GYS1: variants seen among roughly 807,000 people sequenced by gnomAD.
The protein encoded by GYS1 is glycogen synthase 1.
In GYS1, 60 loss-of-function variants were observed where a neutral mutation model predicts 89.1. The observed-to-expected ratio is 0.67, with a 90% CI of 0.55 to 0.84. The LOEUF is 0.84. Ranked by LOEUF, GYS1 falls within the 40% of genes least tolerant of loss-of-function variation. The pLI is 0.00. For synonymous variants in GYS1, 366 were observed against 401.7 expected, an observed-to-expected ratio of 0.91 and a Z score of 1.06; for missense variants, 888 against 1,003.1, an observed-to-expected ratio of 0.89 and a Z score of 1.55.
chr19:48,971,688 G>A (rs2038567929), intron 12 of GYS1, among the ~76,000 whole-genome samples: 1 of 151,642 alleles, frequency 6.6e-6, no homozygotes, highest in Admixed American at 6.6e-5. Flanking sequence ...CCGAGTAGCT[G>A]GGACTACAGG....
intron 2 of GYS1, among the ~76,000 whole-genome samples, chr19:48,988,012 C>A (rs1184163724): frequency 3.3e-5 from 5 of 152,180 alleles, no homozygotes; most frequent in Non-Finnish European, 7.4e-5. Flanking sequence ...CTGTGTTAGC[C>A]AGGATGATCT....
At chr19:48,981,698 C>T (rs1383542534) in intron 7 of GYS1, 62 bp from the exon 8 acceptor site, 57 of 1,074,532 alleles carry the variant, frequency 5.3e-5, no homozygotes, top group Non-Finnish European at 7.8e-5. Context: ...AACCAGCCAG[C>T]CTTTCTGTCA....
Position 48,969,343 on chromosome 19 carries a change from C to T in GYS1, c.2159G>A (p.Ser720Asn). 6.3e-7 allele frequency: 1 copy of T among 1,585,346 alleles called. No individual in the cohort carries two copies. Among genetic ancestry groups the T allele is most frequent in the South Asian group, 1.1e-5 (1 of 87,926 alleles). ...SVDTATSSSL[S>N]TPSEPLSPTS... ...GGGGCTGAGGGGCTCGCTCGGGGTGCTGAGTGAGCTGGAGGTGGCCGTGTC... is the reference window on the plus strand; with the variant it reads ...GGGGCTGAGGGGCTCGCTCGGGGTGTTGAGTGAGCTGGAGGTGGCCGTGTC... The change falls in exon 16 of 16, where the codon AGC becomes AAC. Residue 720 changes from serine to asparagine, a missense_variant. By Grantham distance (46) the Ser-to-Asn change is conservative. Coordinates refer to ENST00000323798, the MANE Select transcript of GYS1 (RefSeq NM_002103.5).
rs8104760 is a variant in GYS1 at position 48,973,910 on chromosome 19, C to T, written c.1549+303G>A. ...AACGTCTTACGAGGAGACTTGGCCA[C>T]ACTCGGCTGTATTTGTGAATTGTGC... On this transcript the variant is annotated intron_variant, in intron 12 of 15. Coordinates refer to ENST00000323798, the MANE Select transcript of GYS1 (RefSeq NM_002103.5). Among the ~76,000 whole-genome samples, 4,445 of 152,250 alleles carry T rather than the reference C, an allele frequency of 0.029. 114 individuals carry two copies. The highest frequency in any genetic ancestry group is 0.068 in the Middle Eastern group (20 of 294).
At chr19:48,987,970 T>C (rs2038867701) in intron 2 of GYS1, among the ~76,000 whole-genome samples, 2 of 152,134 alleles carry the variant, frequency 1.3e-5, no homozygotes. Flanking sequence ...CCGGCTACTT[T>C]TTTTTGTATT....
rs1339760278 is a variant in GYS1 at position 48,968,969 on chromosome 19, C to T, written c.*319G>A. The T allele has an allele frequency of 1.7e-6, 1 of 578,224 alleles. No homozygotes were observed. Among genetic ancestry groups the T allele is most frequent in the Non-Finnish European group, 3.3e-6 (1 of 306,752 alleles). 35.8% of individuals were successfully genotyped at this position (578,224 alleles called of 1,614,324 possible). On this transcript the variant is annotated 3_prime_UTR_variant, in exon 16 of 16. Transcript: ENST00000323798. ...AAGCCCCAGACCTGAAAGCACCATG[C>T]CAGGTTTCCTAAAACCTCTGGCACC...
chr19:48,977,155 G>C (rs1441211899), intron 10 of GYS1, among the ~76,000 whole-genome samples: 1 of 151,702 alleles, frequency 6.6e-6, no homozygotes, highest in African/African-American at 2.4e-5. Flanking sequence ...CCCCAGGCTG[G>C]TGTACAGTGG....
At position 48,993,119 on chromosome 19, in the gene GYS1, C is replaced by T. The variant is rs769799742; in HGVS notation, c.-7G>A. On this transcript the variant is annotated 5_prime_UTR_variant, in exon 1 of 16. Coordinates refer to ENST00000323798, the MANE Select transcript of GYS1 (RefSeq NM_002103.5). ...AAGTGCGGTTTAAAGGCATGGCTGGCGCAGGAAGGGGGGCTCCGGGGATCT... is the reference window on the plus strand; with the variant it reads ...AAGTGCGGTTTAAAGGCATGGCTGGTGCAGGAAGGGGGGCTCCGGGGATCT... 21 of 1,513,564 alleles carry T rather than the reference C, an allele frequency of 1.4e-5. No individual in the cohort carries two copies. The South Asian group carries it at 2.4e-4, about 17-fold the overall frequency. The allele number at this position is 1,513,564 out of a possible 1,614,324, so 93.8% of individuals were successfully genotyped here. A position where few individuals can be genotyped will look rare whatever the true frequency, so the allele number is the denominator to read the frequency against.
At chr19:48,976,795 C>T (rs913369055) in intron 10 of GYS1, among the ~76,000 whole-genome samples, 3 of 151,980 alleles carry the variant, frequency 2.0e-5, no homozygotes, top group African/African-American at 7.3e-5. Context: ...GTGTCCGCCT[C>T]GCTCTGTTGC....
At position 48,968,921 on chromosome 19, in the gene GYS1, G is replaced by A. The variant is rs866542551; in HGVS notation, c.*367C>T. 43 of 501,704 alleles carry A rather than the reference G, an allele frequency of 8.6e-5. No individual in the cohort carries two copies. Among genetic ancestry groups the A allele is most frequent in the Middle Eastern group, 1.2e-3 (2 of 1,720 alleles). The allele number at this position is 501,704 out of a possible 1,614,324, so 31.1% of individuals were successfully genotyped here. On this transcript the variant is annotated 3_prime_UTR_variant, in exon 16 of 16. Coordinates refer to ENST00000323798, the MANE Select transcript of GYS1 (RefSeq NM_002103.5). ...GCCTGCTCTGTATGCTGTAGAATTT[G>A]TAAGCCACACGGGGGGCTCTAAAAG...
At chr19:48,969,942 A>C (rs1317525297) in intron 14 of GYS1, 87 bp from the exon 15 acceptor site, 9 of 847,312 alleles carry the variant, frequency 1.1e-5, no homozygotes, top group Non-Finnish European at 4.1e-6. Flanking sequence ...CACACCCTTT[A>C]TGCAGATGAG....
intron 13 of GYS1, 48 bp downstream of exon 13, chr19:48,970,880 A>C (rs1166133994): frequency 6.7e-7 from 1 of 1,485,748 alleles, no homozygotes; most frequent in Non-Finnish European, 9.4e-7. Context: ...TCCAGGAGTC[A>C]CTGTTCTCAA....
Position 48,977,854 on chromosome 19 carries a change from G to C in GYS1, c.1308+70C>G, listed in dbSNP as rs76237680. ...ACTCCCAGCAATCTCTGGGGTCTGA[G>C]CTGGCCTGGCAAGCTGCCTCTGGGG... On this transcript the variant is annotated intron_variant, in intron 10 of 15. Transcript: ENST00000323798. 25,503 of 1,151,110 alleles carry C rather than the reference G, an allele frequency of 0.022. 394 individuals are homozygous for C. Among genetic ancestry groups the C allele is most frequent in the Non-Finnish European group, 0.027 (20,323 of 759,254 alleles). The allele number at this position is 1,151,110 out of a possible 1,614,324, so 71.3% of individuals were successfully genotyped here. A position where few individuals can be genotyped will look rare whatever the true frequency, so the allele number is the denominator to read the frequency against.
Position 48,977,919 on chromosome 19 carries a change from C to T in GYS1, c.1308+5G>A, listed in dbSNP as rs779587345. On this transcript the variant is annotated splice_donor_5th_base_variant and intron_variant, in intron 10 of 15. Coordinates refer to ENST00000323798, the MANE Select transcript of GYS1 (RefSeq NM_002103.5). ...TATCTCTCTGCACAGAGGTCCAATCCATACCTGCGTTGCAAAGATGGCTCT... is the reference window on the plus strand; with the variant it reads ...TATCTCTCTGCACAGAGGTCCAATCTATACCTGCGTTGCAAAGATGGCTCT... 6.2e-6 allele frequency: 10 copies of T among 1,609,762 alleles called. No individual in the cohort carries two copies. Among genetic ancestry groups the T allele is most frequent in the African/African-American group, 1.3e-5 (1 of 74,814 alleles).
intron 5 of GYS1, among the ~76,000 whole-genome samples, chr19:48,984,052 G>A (rs2038804409): frequency 6.6e-6 from 1 of 152,188 alleles, no homozygotes; most frequent in Non-Finnish European, 1.5e-5. Context: ...AGGCTGGAGT[G>A]CAATGGCACA....
Position 48,991,090 on chromosome 19 carries a change from C to T in GYS1, c.300+212G>A, listed in dbSNP as rs953463760. On this transcript the variant is annotated intron_variant, in intron 2 of 15. Transcript: ENST00000323798. This position sits in a 1 kb window ranked among gnomAD's most constrained non-coding sequence, Gnocchi z 4.7. ...TCCGTCTCAGTCTGTCTCATACTTGCCATCTGTCTGTCCATTCGCCCATGT... is the reference window on the plus strand; with the variant it reads ...TCCGTCTCAGTCTGTCTCATACTTGTCATCTGTCTGTCCATTCGCCCATGT... Among the ~76,000 whole-genome samples, 4 of 152,214 alleles carry T rather than the reference C, an allele frequency of 2.6e-5. No individual in the cohort carries two copies. The highest frequency in any genetic ancestry group is 2.0e-4 in the Admixed American group (3 of 15,280).
At chr19:48,990,008 G>GT (rs1555800152) in intron 2 of GYS1, among the ~76,000 whole-genome samples, 2 of 148,980 alleles carry the variant, frequency 1.3e-5, no homozygotes, top group South Asian at 2.1e-4. Flanking sequence ...TGGGGGGGGG[G>GT]GGGGGCTATT....
intron 8 of GYS1, among the ~76,000 whole-genome samples, chr19:48,979,356 T>C (rs202243569): frequency 5.3e-5 from 2 of 37,674 alleles, no homozygotes; most frequent in African/African-American, 1.7e-4. Flanking sequence ...TTTTTTTTTT[T>C]TTTTTTTTTT....
In GYS1 at chr19:48,993,164, G is replaced by A. The variant is rs2038968662; in HGVS notation, c.-52C>T. The A allele has an allele frequency of 9.8e-7, 1 of 1,023,174 alleles. No individual in the cohort carries two copies. The highest frequency in any genetic ancestry group is 1.6e-6 in the Non-Finnish European group (1 of 642,528). The allele number at this position is 1,023,174 out of a possible 1,614,324, so 63.4% of individuals were successfully genotyped here. On this transcript the variant is annotated 5_prime_UTR_variant, in exon 1 of 16. Transcript: ENST00000323798. ...GGATCTCCAGGTAGGGACCCCGGAG[G>A]TGTCTAGGGAATGCACCAGGTAGGG...
Sources: gnomAD v4.1 joint callset for allele counts (sites outside exome capture counted in the v4.1 genomes callset) on GRCh38, gnomAD v4.1.1 for gene constraint, Gnocchi (gnomAD v3.1) non-coding constraint, MANE v1.5 for transcripts, NCBI Gene and HGNC (gene_info 2026-07-23, HGNC 2026-07-21) for gene names.